The following TRIM23 variants were observed in gnomAD, a reference collection of about 807,000 sequenced individuals.
TRIM23 encodes tripartite motif containing 23.
In TRIM23, 27 loss-of-function variants were observed where a neutral mutation model predicts 71.0. The observed-to-expected ratio is 0.38, with a 90% confidence interval of 0.28 to 0.52. The LOEUF (loss-of-function observed/expected upper bound fraction) is 0.52. Among genes scored for constraint, TRIM23 ranks in the 20% least tolerant of loss-of-function variants. The pLI, the probability that TRIM23 is intolerant of heterozygous loss-of-function variation, is 0.84. For synonymous variants in TRIM23, 234 were observed against 238.0 expected (o/e 0.98, Z 0.16); for missense variants, 482 against 692.3 (o/e 0.70, Z 3.41).
chr5:65,591,645 T>TTATTTA lies in TRIM23; in HGVS notation c.*123_*124insTAAATA. ...ACTGAATTCCCAATCCAAGATTCCT[T>TTATTTA]TATATATATATATATATATATGCAT... On this transcript the variant is annotated 3_prime_UTR_variant, in exon 11 of 11. Transcript: ENST00000231524. 2.8e-6 allele frequency: 2 copies of TTATTTA among 714,510 alleles called. No individual in the cohort carries two copies. Among genetic ancestry groups the TTATTTA allele is most frequent in the Non-Finnish European group, 3.7e-6 (2 of 534,390 alleles). 44.3% of individuals were successfully genotyped at this position (714,510 alleles called of 1,614,324 possible).
Position 65,590,565 on chromosome 5 carries a change from A to T in TRIM23, c.*1204T>A. The T allele has an allele frequency of 9.4e-7, 1 of 1,068,856 alleles. No individual in the cohort carries two copies. The highest frequency in any genetic ancestry group is 1.1e-6 in the Non-Finnish European group (1 of 873,774). The allele number at this position is 1,068,856 out of a possible 1,614,324, so 66.2% of individuals were successfully genotyped here. ...AGAACATTAAAAAAAAAAAAGTCTCAATGTACCTATTTAAATAAATCGTGC... is the reference window on the plus strand; with the variant it reads ...AGAACATTAAAAAAAAAAAAGTCTCTATGTACCTATTTAAATAAATCGTGC... On this transcript the variant is annotated 3_prime_UTR_variant, in exon 11 of 11. Transcript: ENST00000231524.
chr5:65,622,576 A>C (rs1409918614), intron 1 of TRIM23, among the ~76,000 whole-genome samples: 1 of 152,252 alleles, frequency 6.6e-6, no homozygotes, highest in East Asian at 1.9e-4. Flanking sequence ...ACACAGTATT[A>C]GCATTATATA....
Position 65,611,735 on chromosome 5 carries a change from T to C in TRIM23, c.513A>G (p.Lys171=), listed in dbSNP as rs1452316325. 3 of 1,613,906 alleles carry C rather than the reference T, an allele frequency of 1.9e-6. No homozygotes were observed. Among genetic ancestry groups the C allele is most frequent in the Non-Finnish European group, 2.5e-6 (3 of 1,179,956 alleles). The part of the protein sequence containing the change: ...AKHRRVPLAD[K]PHEKTMCSQH... ...GAGAGCACATAGTTTTCTCATGAGGTTTATCAGCTAGAGGAACTCGCCTGT... is the reference window on the plus strand; with the variant it reads ...GAGAGCACATAGTTTTCTCATGAGGCTTATCAGCTAGAGGAACTCGCCTGT... Residue 171 remains lysine (K), a synonymous_variant, in exon 4 of 11, where the codon AAA becomes AAG. Transcript: ENST00000231524.
chr5:65,620,813 C>T (rs535077229), intron 1 of TRIM23, among the ~76,000 whole-genome samples: 1 of 152,214 alleles, frequency 6.6e-6, no homozygotes, highest in African/African-American at 2.4e-5. Flanking sequence ...CTGTGGCTCA[C>T]ACCTGTAATC....
At chr5:65,621,012 AGAGT>A (rs1223695006) in intron 1 of TRIM23, among the ~76,000 whole-genome samples, 3 of 152,050 alleles carry the variant, frequency 2.0e-5, no homozygotes, top group Non-Finnish European at 4.4e-5. Flanking sequence ...CCTGGGTGAC[AGAGT>A]GAGAACCTGC....
chr5:65,614,022 T>C, intron 3 of TRIM23, 76 bp downstream of exon 3: 2 of 1,580,910 alleles, frequency 1.3e-6, no homozygotes, highest in South Asian at 2.3e-5. Context: ...AATGAAGTAA[T>C]ATTGTGCTAA....
At chr5:65,607,820 C>T (rs528860978) in intron 6 of TRIM23, among the ~76,000 whole-genome samples, 4 of 152,122 alleles carry the variant, frequency 2.6e-5, no homozygotes, top group Non-Finnish European at 4.4e-5. Context: ...CTTCATTATC[C>T]GCCATGAGTT....
intron 2 of TRIM23, among the ~76,000 whole-genome samples, chr5:65,617,654 C>G (rs1041665257): frequency 6.6e-6 from 1 of 152,136 alleles, no homozygotes; most frequent in Admixed American, 6.5e-5. Context: ...TTATCACAAG[C>G]TACAAACACT....
Position 65,618,213 on chromosome 5 carries a change from C to T in TRIM23, c.124G>A (p.Gly42Arg). ...GVCEDVFSLQ[G>R]DKVPRLLLCG... Reference sequence around the variant, plus strand: ...AGCAAAAGACGGGGAACTTTGTCTCCTTGCAAAGAAAAGACATCTTCACAA... The same window carrying T: ...AGCAAAAGACGGGGAACTTTGTCTCTTTGCAAAGAAAAGACATCTTCACAA... The change falls in exon 2 of 11, where the codon GGA becomes AGA. Residue 42 changes from glycine (G) to arginine (R), a missense_variant. Physicochemically the swap from Gly to Arg is moderately radical, Grantham distance 125. Around this residue, in one of 2 missense-constraint regions of TRIM23, gnomAD observed 175 missense variants for 196.5 expected, o/e 0.89. Coordinates refer to ENST00000231524, the MANE Select transcript of TRIM23 (RefSeq NM_001656.4). The T allele has an allele frequency of 6.2e-7, 1 of 1,614,044 alleles. No individual in the cohort carries two copies. The highest frequency in any genetic ancestry group is 8.5e-7 in the Non-Finnish European group (1 of 1,179,988).
At chr5:65,599,956 T>C (rs1754315814) in intron 7 of TRIM23, among the ~76,000 whole-genome samples, 1 of 152,176 alleles carries the variant, frequency 6.6e-6, no homozygotes, top group South Asian at 2.1e-4. Context: ...ACAGGAAGCA[T>C]GATGCTGGCA....
chr5:65,598,497 AGCACTTCGGGAGGCCGAGGTTGG>A (rs781037448), intron 7 of TRIM23, among the ~76,000 whole-genome samples: 1 of 152,252 alleles, frequency 6.6e-6, no homozygotes, highest in Non-Finnish European at 1.5e-5. Flanking sequence ...CTGTAATCCC[AGCACTTCGGGAGGCCGAGGTTGG>A]GGGTGGATCA....
Position 65,590,197 on chromosome 5 carries a change from C to A in TRIM23, c.*1572G>T. 2 of 797,838 alleles carry A rather than the reference C, an allele frequency of 2.5e-6. No homozygotes were observed. The highest frequency in any genetic ancestry group is 2.0e-6 in the Non-Finnish European group (1 of 501,488). The allele number at this position is 797,838 out of a possible 1,614,324, so 49.4% of individuals were successfully genotyped here. On this transcript the variant is annotated 3_prime_UTR_variant, in exon 11 of 11. Coordinates refer to ENST00000231524, the MANE Select transcript of TRIM23 (RefSeq NM_001656.4). Reference sequence around the variant, plus strand: ...CAAGTTCTCACAAGCAATACAACACCTTTTTTATTTTTCACAGTTATTGAA... The same window carrying A: ...CAAGTTCTCACAAGCAATACAACACATTTTTTATTTTTCACAGTTATTGAA...
In TRIM23 at chr5:65,591,347, G is replaced by A; in HGVS notation, c.*422C>T. ...GCTGCCAACATTCAGTGAAAAGGCA[G>A]GTTAAAAGAAGCAGCTATACTTCAC... On this transcript the variant is annotated 3_prime_UTR_variant, in exon 11 of 11. Transcript: ENST00000231524. The A allele has an allele frequency of 2.0e-6, 3 of 1,473,996 alleles. No individual in the cohort carries two copies. In the South Asian group the frequency reaches 4.2e-5, roughly 21 times the overall value. 91.3% of individuals were successfully genotyped at this position (1,473,996 alleles called of 1,614,324 possible).
chr5:65,623,767 T>C (rs1755023162), intron 1 of TRIM23, among the ~76,000 whole-genome samples: 1 of 152,184 alleles, frequency 6.6e-6, no homozygotes. Context: ...TAAACCTGGG[T>C]TTCCTCCCTG....
chr5:65,610,929 T>C lies in TRIM23; in HGVS notation c.760A>G (p.Ile254Val), dbSNP rs769107596. Reference sequence around the variant, plus strand: ...TCTCCTCCTTCAATGTGCTGCACAATTCCAACTAATTTTCTGGAATAATCT... The same window carrying C: ...TCTCCTCCTTCAATGTGCTGCACAACTCCAACTAATTTTCTGGAATAATCT... ...ISDYSRKLVGIVQHIEGGEQI... is the reference protein window; with the variant it reads ...ISDYSRKLVGVVQHIEGGEQI... Residue 254 changes from isoleucine (I) to valine (V), a missense_variant, in exon 5 of 11, where the codon ATT (isoleucine) becomes GTT (valine). This residue lies in a region of TRIM23 where 307 missense variants were observed against 495.8 expected (regional missense o/e 0.62). Transcript: ENST00000231524. 2 of 1,613,924 alleles carry C rather than the reference T, an allele frequency of 1.2e-6. No homozygotes were observed. Among genetic ancestry groups the C allele is most frequent in the South Asian group, 1.1e-5 (1 of 91,068 alleles).
rs1754634423 is a variant in TRIM23, at chr5:65,610,972, G to A, written c.717C>T (p.Thr239=). The A allele has an allele frequency of 6.2e-7, 1 of 1,613,848 alleles. No individual in the cohort carries two copies. Among genetic ancestry groups the A allele is most frequent in the Non-Finnish European group, 8.5e-7 (1 of 1,179,912 alleles). ...AATAATCTGAGATTTCCTCTGTGAA[G>A]GTCCGTATGCAGTGAGCCATATCTA... ...SILDMAHCIR[T]FTEEISDYSR... is the part of the protein sequence containing the mutation. The change falls in exon 5 of 11, where the codon ACC becomes ACT. Residue 239 remains threonine (T), a synonymous_variant. Transcript: ENST00000231524.
rs200044194 is a variant in TRIM23, at chr5:65,599,146, AT to A, written c.1180-1967del. Among the ~76,000 whole-genome samples the A allele has an allele frequency of 8.0e-3, 1,219 of 152,336 alleles. 6 individuals are homozygous for A. Among genetic ancestry groups the A allele is most frequent in the Middle Eastern group, 0.024 (7 of 294 alleles). ...AAAATTATATCTCTTCACAGATGAC[AT>A]GATCTTGTATGTAGAAAACCCTGAA... On this transcript the variant is annotated intron_variant, in intron 7 of 10. Transcript: ENST00000231524.
chr5:65,606,465 G>C (rs75619786), intron 6 of TRIM23, among the ~76,000 whole-genome samples: 3 of 131,640 alleles, frequency 2.3e-5, no homozygotes, highest in Non-Finnish European at 4.8e-5. Flanking sequence ...TCCCGCCCCC[G>C]GCCAAAAAAA....
chr5:65,598,647 C>A (rs1300034922), intron 7 of TRIM23, among the ~76,000 whole-genome samples: 1 of 151,954 alleles, frequency 6.6e-6, no homozygotes, highest in East Asian at 1.9e-4. Flanking sequence ...TACAAGGAGG[C>A]TGAGGCAGAA....
Sources: gnomAD v4.1 joint callset for allele counts (sites outside exome capture counted in the v4.1 genomes callset) on GRCh38, gnomAD v4.1.1 for gene constraint, gnomAD v4.1.1 regional missense constraint, MANE v1.5 for transcripts, NCBI Gene and HGNC (gene_info 2026-07-23, HGNC 2026-07-21) for gene names.